COPG2: variants seen among roughly 807,000 people sequenced by gnomAD.
COPG2 encodes the protein coat protein complex I subunit gamma 2, also known as coatomer subunit gamma-2.
Under a neutral mutation model 46.3 loss-of-function variants are expected in COPG2, and 37 were observed. The ratio of observed to expected loss-of-function variants is 0.80; its 90% CI spans 0.61 to 1.05. The LOEUF is 1.05. COPG2 is among the 50% of genes least tolerant of loss of function. The pLI, the probability that COPG2 is intolerant of heterozygous loss-of-function variation, is 0.00. For synonymous variants in COPG2, 159 were observed against 129.7 expected, an observed-to-expected ratio of 1.23 and a Z score of -1.53; for missense variants, 427 against 387.8, an observed-to-expected ratio of 1.10 and a Z score of -0.85.
At chr7:130,650,491 T>G (rs1472429899) in intron 5 of COPG2, among the ~76,000 whole-genome samples, 1 of 152,226 alleles carries the variant, frequency 6.6e-6, no homozygotes, top group Non-Finnish European at 1.5e-5. Flanking sequence ...TTTAAAATTT[T>G]CAAAATATTA....
intron 5 of COPG2, among the ~76,000 whole-genome samples, chr7:130,629,310 C>G (rs1584591558): frequency 1.3e-5 from 2 of 150,166 alleles, no homozygotes; most frequent in Admixed American, 1.4e-4. Context: ...ATTTTGTTGT[C>G]TGTAATTAAT....
chr7:130,567,306 G>A (rs1249679403), intron 9 of COPG2, among the ~76,000 whole-genome samples: 6 of 152,274 alleles, frequency 3.9e-5, no homozygotes, highest in African/African-American at 1.4e-4. Context: ...CAAGAAGTTT[G>A]AGATTATGCT....
intron 5 of COPG2, among the ~76,000 whole-genome samples, chr7:130,626,458 C>T (rs1440165081): frequency 4.0e-5 from 6 of 148,226 alleles, no homozygotes; most frequent in African/African-American, 1.0e-4. Context: ...ACTTTGTTAG[C>T]CAGGCTGGTC....
At chr7:130,569,877 C>T (rs1793866547) in intron 9 of COPG2, among the ~76,000 whole-genome samples, 1 of 152,286 alleles carries the variant, frequency 6.6e-6, no homozygotes, top group African/African-American at 2.4e-5. Flanking sequence ...GGGTTTCATA[C>T]CAGTGATGCA....
chr7:130,647,673 G>A (rs572430688), intron 5 of COPG2, among the ~76,000 whole-genome samples: 10 of 150,062 alleles, frequency 6.7e-5, no homozygotes, highest in African/African-American at 2.2e-4. Context: ...TTTTATTTTG[G>A]TATTGTCAAG....
chr7:130,510,963 G>A (rs1554440940), intron 20 of COPG2: 1 of 520,066 alleles, frequency 1.9e-6, no homozygotes. Flanking sequence ...ATGCCCTGAA[G>A]ATCTGCATTA....
At chr7:130,522,810 G>A (rs1584962547) in intron 20 of COPG2, among the ~76,000 whole-genome samples, 1 of 151,938 alleles carries the variant, frequency 6.6e-6, no homozygotes, top group Non-Finnish European at 1.5e-5. Flanking sequence ...GGTATAAAGG[G>A]GCATTCTGGC....
intron 5 of COPG2, among the ~76,000 whole-genome samples, chr7:130,619,911 G>A (rs1386510804): frequency 4.6e-5 from 7 of 152,060 alleles, no homozygotes; most frequent in African/African-American, 1.2e-4. Context: ...GGCTGAAGTC[G>A]GACTTAGTTT....
chr7:130,532,081 G>A (rs1213559823), intron 20 of COPG2, among the ~76,000 whole-genome samples: 2 of 152,194 alleles, frequency 1.3e-5, no homozygotes, highest in Admixed American at 6.5e-5. Context: ...TGGAGAGCCG[G>A]GCAGACATGT....
intron 5 of COPG2, among the ~76,000 whole-genome samples, chr7:130,618,735 C>T (rs373934552): frequency 1.7e-3 from 260 of 152,142 alleles, no homozygotes; most frequent in African/African-American, 3.9e-3. Flanking sequence ...AAGGCTGATA[C>T]TATTTTGTTT....
At chr7:130,520,082 ATTGG>A in intron 20 of COPG2, among the ~76,000 whole-genome samples, 1 of 152,310 alleles carries the variant, frequency 6.6e-6, no homozygotes, top group East Asian at 1.9e-4. Flanking sequence ...AATGAATGCT[ATTGG>A]TTGAGGACTG....
At chr7:130,600,260 TTTTATTTA>T (rs1177593788) in intron 9 of COPG2, among the ~76,000 whole-genome samples, 1 of 152,138 alleles carries the variant, frequency 6.6e-6, no homozygotes, top group Admixed American at 6.5e-5. Flanking sequence ...ATTTTGTCAT[TTTTATTTA>T]TTTATTTATT....
chr7:130,546,392 G>A (rs989435402), intron 20 of COPG2, among the ~76,000 whole-genome samples: 8 of 152,300 alleles, frequency 5.3e-5, no homozygotes, highest in African/African-American at 2.4e-5. Context: ...GAGAGAAAGC[G>A]AAGTTACAAG....
intron 9 of COPG2, among the ~76,000 whole-genome samples, chr7:130,568,547 C>T (rs947134255): frequency 1.3e-5 from 2 of 152,044 alleles, no homozygotes; most frequent in Non-Finnish European, 2.9e-5. Flanking sequence ...CACTGGAGCT[C>T]CCAAATTTAT....
intron 5 of COPG2, among the ~76,000 whole-genome samples, chr7:130,628,985 A>G (rs910974030): frequency 2.0e-5 from 3 of 152,198 alleles, no homozygotes; most frequent in African/African-American, 7.2e-5. Flanking sequence ...GAGTCATGCC[A>G]CTGCACTCCA....
intron 5 of COPG2, among the ~76,000 whole-genome samples, chr7:130,639,866 AG>A (rs1795428414): frequency 6.6e-6 from 1 of 152,032 alleles, no homozygotes; most frequent in Non-Finnish European, 1.5e-5. Context: ...CAAGAGTTTC[AG>A]CTCCCTGTAC....
At chr7:130,595,912 G>A (rs1554449633) in intron 9 of COPG2, among the ~76,000 whole-genome samples, 1 of 152,144 alleles carries the variant, frequency 6.6e-6, no homozygotes, top group Non-Finnish European at 1.5e-5. Context: ...GGCCTTAATT[G>A]GAGTCTTCTC....
chr7:130,617,928 C>G (rs1294341574), intron 5 of COPG2, among the ~76,000 whole-genome samples: 2 of 151,678 alleles, frequency 1.3e-5, no homozygotes, highest in Non-Finnish European at 2.9e-5. Context: ...TGACTAAACC[C>G]CATCTCTACA....
At chr7:130,626,350 C>T (rs565187707) in intron 5 of COPG2, among the ~76,000 whole-genome samples, 4 of 151,972 alleles carry the variant, frequency 2.6e-5, no homozygotes, top group African/African-American at 2.4e-5. Flanking sequence ...AACTTCCCCT[C>T]GGGCCAGAGA....
Sources: gnomAD v4.1 joint callset for allele counts (sites outside exome capture counted in the v4.1 genomes callset) on GRCh38, gnomAD v4.1.1 for gene constraint, MANE v1.5 for transcripts, NCBI Gene and HGNC (gene_info 2026-07-23, HGNC 2026-07-21) for gene names.